Variants in LDAH observed in about 807,000 individuals in gnomAD.
LDAH encodes lipid droplet associated hydrolase.
A neutral mutation model predicts 29.6 loss-of-function variants in LDAH; 26 were observed. The ratio of observed to expected loss-of-function variants is 0.88; its 90% CI spans 0.64 to 1.22. The LOEUF is 1.22. LDAH is among the 50% of genes most tolerant of loss of function. The probability of loss-of-function intolerance (pLI) is 0.00; values close to 1 mark genes in which losing one functional copy is unlikely to be tolerated. For missense variants in LDAH, 344 were observed against 387.3 expected, an observed-to-expected ratio of 0.89 and a Z score of 0.94; for synonymous variants, 117 against 133.0, an observed-to-expected ratio of 0.88 and a Z score of 0.83.
chr2:20,798,680 T>A (rs1223513177), intron 2 of LDAH, among the ~76,000 whole-genome samples: 2 of 151,466 alleles, frequency 1.3e-5, no homozygotes, highest in Non-Finnish European at 2.9e-5. Flanking sequence ...GGAAAATAGA[T>A]GGAGAAGGAG....
rs1671587527 is a variant in LDAH at position 20,800,551 on chromosome 2, A to G, written c.154+759T>C. ...GCATCTGTCCCTAATTCTATTGACA[A>G]TGATCTAGCAAAAGTTACAAGTGAC... On this transcript the variant is annotated intron_variant, in intron 2 of 6. Coordinates refer to ENST00000237822, the MANE Select transcript of LDAH (RefSeq NM_021925.4). Among the ~76,000 whole-genome samples the G allele has an allele frequency of 2.0e-5, 3 of 152,358 alleles. No individual in the cohort carries two copies. The South Asian group carries it at 6.2e-4, about 32-fold the overall frequency.
intron 4 of LDAH, among the ~76,000 whole-genome samples, chr2:20,764,125 T>C (rs1668865377): frequency 6.6e-6 from 1 of 152,240 alleles, no homozygotes; most frequent in South Asian, 2.1e-4. Flanking sequence ...AAGTTGAAAC[T>C]GTCCATGTGT....
intron 1 of LDAH, among the ~76,000 whole-genome samples, chr2:20,821,568 AGAAC>A (rs973861278): frequency 3.9e-5 from 6 of 152,206 alleles, no homozygotes; most frequent in African/African-American, 7.2e-5. Flanking sequence ...TTGAACAATG[AGAAC>A]ACTTGGACAC....
intron 4 of LDAH, among the ~76,000 whole-genome samples, chr2:20,752,828 G>A (rs1668059290): frequency 1.3e-5 from 2 of 152,190 alleles, no homozygotes; most frequent in African/African-American, 2.4e-5. Flanking sequence ...GCTTCTGATG[G>A]TTGCTGATAT....
At position 20,684,647 on chromosome 2, in the gene LDAH, A is replaced by G; in HGVS notation, c.*2256T>C. On this transcript the variant is annotated 3_prime_UTR_variant, in exon 7 of 7. Transcript: ENST00000237822. The stretch of plus-strand genomic sequence containing the variant: ...GTATGGTGAGAGGCCCTTGGTGGCC[A>G]TGGACATCAGGCCACACAAGCCACA... 4 of 406,218 alleles carry G rather than the reference A, an allele frequency of 9.8e-6. No homozygotes were observed. Among genetic ancestry groups the G allele is most frequent in the East Asian group, 3.9e-5 (1 of 25,452 alleles). 25.2% of individuals were successfully genotyped at this position (406,218 alleles called of 1,614,324 possible).
At chr2:20,760,857 C>A (rs1668634500) in intron 4 of LDAH, among the ~76,000 whole-genome samples, 1 of 152,180 alleles carries the variant, frequency 6.6e-6, no homozygotes, top group African/African-American at 2.4e-5. Flanking sequence ...AGTCATCAGT[C>A]ATATCCACTT....
At chr2:20,724,050 G>A (rs1036217362) in intron 5 of LDAH, among the ~76,000 whole-genome samples, 1 of 152,168 alleles carries the variant, frequency 6.6e-6, no homozygotes, top group Non-Finnish European at 1.5e-5. Context: ...AGCCGAGTGA[G>A]GGCTAAAGCT....
At chr2:20,807,853 A>C (rs560872) in intron 1 of LDAH, among the ~76,000 whole-genome samples, 46,450 of 151,192 alleles carry the variant, frequency 0.31, 12,086 homozygotes, top group African/African-American at 0.72. Context: ...CAATAAGAAA[A>C]CAAAAAAAGA....
chr2:20,754,423 GGA>G (rs1258874820), intron 4 of LDAH, among the ~76,000 whole-genome samples: 2 of 147,200 alleles, frequency 1.4e-5, no homozygotes, highest in African/African-American at 5.2e-5. Context: ...CCCAGGAGGT[GGA>G]GTTTGCAGTG....
intron 5 of LDAH, among the ~76,000 whole-genome samples, chr2:20,727,218 A>T (rs1051223079): frequency 6.6e-6 from 1 of 152,092 alleles, no homozygotes; most frequent in African/African-American, 2.4e-5. Flanking sequence ...CTCTAATATA[A>T]ATAAATAAAT....
At chr2:20,810,873 T>C (rs554678850) in intron 1 of LDAH, among the ~76,000 whole-genome samples, 17 of 152,216 alleles carry the variant, frequency 1.1e-4, no homozygotes, top group Admixed American at 9.2e-4. Context: ...AGGATCTAGG[T>C]TGTATGCTCC....
chr2:20,712,550 A>C (rs1414986115), intron 5 of LDAH, among the ~76,000 whole-genome samples: 2 of 152,226 alleles, frequency 1.3e-5, no homozygotes, highest in African/African-American at 4.8e-5. Flanking sequence ...ATGAGTTGAC[A>C]GAAGTAGGCT....
chr2:20,705,421 T>C (rs1664232075), intron 5 of LDAH, among the ~76,000 whole-genome samples: 1 of 152,218 alleles, frequency 6.6e-6, no homozygotes, highest in Non-Finnish European at 1.5e-5. Flanking sequence ...CCATTCACTG[T>C]TTGGACTTAC....
At position 20,790,334 on chromosome 2, in the gene LDAH, T is replaced by C; in HGVS notation, c.219A>G (p.Arg73=). ...GACTGATAGTCCAAACTGGAAAGCG[T>C]CTGTTTGTCAAAGAGTATAAAGCCT... The part of the protein sequence containing the change: ...FAKALYSLTN[R]RFPVWTISHA... Residue 73 remains arginine (R), a synonymous_variant, in exon 3 of 7, where the codon AGA becomes AGG. Coordinates refer to ENST00000237822, the MANE Select transcript of LDAH (RefSeq NM_021925.4). 6.2e-7 allele frequency: 1 copy of C among 1,614,116 alleles called. No individual in the cohort carries two copies. The highest frequency in any genetic ancestry group is 8.5e-7 in the Non-Finnish European group (1 of 1,179,962).
At chr2:20,789,207 A>G in intron 3 of LDAH, 1 of 1,550,552 alleles carries the variant, frequency 6.4e-7, no homozygotes. Flanking sequence ...CCCTATGCCC[A>G]AATGCTATTA....
intron 4 of LDAH, among the ~76,000 whole-genome samples, chr2:20,768,860 G>T (rs779978139): frequency 6.6e-6 from 1 of 152,082 alleles, no homozygotes; most frequent in Non-Finnish European, 1.5e-5. Context: ...CTGTCACCTG[G>T]ATCTTCACTT....
intron 5 of LDAH, among the ~76,000 whole-genome samples, chr2:20,732,230 C>T (rs1206275197): frequency 3.3e-5 from 5 of 152,048 alleles, no homozygotes; most frequent in Non-Finnish European, 7.4e-5. Context: ...TGGAATAAAT[C>T]ACATTTGGTA....
At chr2:20,814,979 A>T (rs1672752732) in intron 1 of LDAH, among the ~76,000 whole-genome samples, 1 of 152,208 alleles carries the variant, frequency 6.6e-6, no homozygotes, top group Non-Finnish European at 1.5e-5. Flanking sequence ...AACTCTGCAG[A>T]GGTTTAAAAT....
intron 4 of LDAH, among the ~76,000 whole-genome samples, chr2:20,769,385 G>A (rs1022734193): frequency 2.0e-5 from 3 of 152,072 alleles, no homozygotes; most frequent in African/African-American, 7.2e-5. Flanking sequence ...AATTTACTAC[G>A]ACAAATGAGT....
Sources: gnomAD v4.1 joint callset for allele counts (sites outside exome capture counted in the v4.1 genomes callset) on GRCh38, gnomAD v4.1.1 for gene constraint, MANE v1.5 for transcripts, NCBI Gene and HGNC (gene_info 2026-07-23, HGNC 2026-07-21) for gene names.